Variants in PER2 observed in about 807,000 individuals in gnomAD.
PER2 encodes the protein period circadian protein homolog 2.
Under a neutral mutation model 121.0 loss-of-function variants are expected in PER2, and 66 were observed. That is an observed-to-expected ratio of 0.55 (90% CI 0.45 to 0.67). The LOEUF is 0.67. PER2 is among the 30% of genes least tolerant of loss of function. The pLI, the probability that PER2 is intolerant of heterozygous loss-of-function variation, is 0.00. For synonymous variants in PER2, 684 were observed against 659.9 expected (o/e 1.04, Z -0.56); for missense variants, 1,521 against 1,635.0 (o/e 0.93, Z 1.20).
In PER2 at chr2:238,260,995, G is replaced by A. The variant is rs746792160; in HGVS notation, c.1417-42C>T. On this transcript the variant is annotated intron_variant, in intron 12 of 22. Transcript: ENST00000254657. Reference sequence around the variant, plus strand: ...CAGCGCTACAGACACAGCCAGGGCTGCTGAGCTATGCATGTGGCCCCCTGC... The same window carrying A: ...CAGCGCTACAGACACAGCCAGGGCTACTGAGCTATGCATGTGGCCCCCTGC... 48 of 1,600,596 alleles carry A rather than the reference G, an allele frequency of 3.0e-5. No homozygotes were observed. The South Asian group carries it at 5.1e-4, about 17-fold the overall frequency.
intron 17 of PER2, 92 bp downstream of exon 17, chr2:238,256,830 C>T: frequency 7.6e-7 from 1 of 1,320,324 alleles, no homozygotes; most frequent in Non-Finnish European, 1.1e-6. Flanking sequence ...TGGTGGAGTT[C>T]TTCTGCACTT....
intron 9 of PER2, among the ~76,000 whole-genome samples, chr2:238,264,105 G>C (rs571893412): frequency 6.6e-6 from 1 of 152,200 alleles, no homozygotes; most frequent in African/African-American, 2.4e-5. Context: ...CTTCATCAAG[G>C]AGAGCTTGCA....
At chr2:238,259,187 G>A (rs1695851338) in intron 14 of PER2, among the ~76,000 whole-genome samples, 1 of 152,240 alleles carries the variant, frequency 6.6e-6, no homozygotes. Flanking sequence ...GAGTCCAGCA[G>A]GCAGCATGTC....
intron 22 of PER2, among the ~76,000 whole-genome samples, chr2:238,248,074 G>A (rs536917969): frequency 1.3e-5 from 2 of 152,346 alleles, no homozygotes; most frequent in South Asian, 4.1e-4. Flanking sequence ...GGCTTGCAGG[G>A]TGCAGGTGGG....
At chr2:238,264,251 C>T (rs937928903) in intron 9 of PER2, among the ~76,000 whole-genome samples, 1 of 152,224 alleles carries the variant, frequency 6.6e-6, no homozygotes, top group Non-Finnish European at 1.5e-5. Context: ...CCAGAGGCTG[C>T]TTTACATATA....
At chr2:238,299,227 G>GTCGAGATCA in the PER2 span, 2 of 151,632 alleles carry the variant, frequency 1.3e-5, no homozygotes, top group African/African-American at 2.4e-5. Flanking sequence ...GTTGCAGTGA[G>GTCGAGATCA]CCAAAAAGAA....
chr2:238,296,045 G>C, the PER2 span, among the ~76,000 whole-genome samples: 954 of 146,376 alleles, frequency 6.5e-3, 7 homozygotes, highest in African/African-American at 0.02. Flanking sequence ...TGCAGAGTCA[G>C]TCGTGTGCCC....
rs1201203818 is a variant in PER2, at chr2:238,252,730, T to C, written c.3111+182A>G. On this transcript the variant is annotated intron_variant, in intron 19 of 22. Transcript: ENST00000254657. This position sits in a 1 kb window ranked among gnomAD's most constrained non-coding sequence, Gnocchi z 4.2. ...CGACAATAAAAGGCTTCGAATAATCTACTCTGATAGGATTAAGTGGGAAGC... is the reference window on the plus strand; with the variant it reads ...CGACAATAAAAGGCTTCGAATAATCCACTCTGATAGGATTAAGTGGGAAGC... 2.0e-5 allele frequency among the ~76,000 whole-genome samples: 3 copies of C among 152,226 alleles called. No homozygotes were observed. The highest frequency in any genetic ancestry group is 4.4e-5 in the Non-Finnish European group (3 of 68,042).
chr2:238,266,962 T>C (rs1559330587), intron 8 of PER2, among the ~76,000 whole-genome samples: 4 of 150,676 alleles, frequency 2.7e-5, no homozygotes, highest in Non-Finnish European at 2.9e-5. Context: ...GGCAGGAGAA[T>C]TGTAGAATCC....
At chr2:238,283,272 C>T (rs1696685133) in intron 1 of PER2, among the ~76,000 whole-genome samples, 2 of 152,362 alleles carry the variant, frequency 1.3e-5, no homozygotes, top group Non-Finnish European at 2.9e-5. Flanking sequence ...GGGGTGAGCA[C>T]CCAGCTGGAT....
chr2:238,253,438 G>A lies in PER2; in HGVS notation c.2585C>T (p.Pro862Leu). Residue 862 changes from proline to leucine, a missense_variant, in exon 19 of 23, where the codon CCA becomes CTA. By Grantham distance (98) the Pro-to-Leu change is moderately conservative (BLOSUM62 -3). Transcript: ENST00000254657. The surrounding 1 kb of genome is among the most constrained non-coding windows in gnomAD (Gnocchi z 5.6). Reference sequence around the variant, plus strand: ...TGCCGGGGGTGCTGCCACAGTCCCTGGCGCTGGAAACACGGGCAGTGAATA... The same window carrying A: ...TGCCGGGGGTGCTGCCACAGTCCCTAGCGCTGGAAACACGGGCAGTGAATA... Reference protein sequence around the residue: ...AAYSLPVFPAPGTVAAPPAPP... With the variant: ...AAYSLPVFPALGTVAAPPAPP... The A allele has an allele frequency of 1.9e-6, 3 of 1,612,610 alleles. No individual in the cohort carries two copies. Among genetic ancestry groups the A allele is most frequent in the Middle Eastern group, 1.7e-4 (1 of 6,022 alleles).
intron 6 of PER2, among the ~76,000 whole-genome samples, chr2:238,270,953 G>GGGA (rs1172886713): frequency 6.6e-6 from 1 of 152,234 alleles, no homozygotes; most frequent in Non-Finnish European, 1.5e-5. Flanking sequence ...AGGTGGCAGG[G>GGGA]GGACGCCTGC....
chr2:238,259,758 T>G (rs937542135), intron 14 of PER2, among the ~76,000 whole-genome samples: 71 of 152,194 alleles, frequency 4.7e-4, no homozygotes, highest in Non-Finnish European at 1.5e-4. Flanking sequence ...AGGTGCCCAG[T>G]GTGGACATCA....
chr2:238,262,413 G>A, intron 10 of PER2, 69 bp from the exon 11 acceptor site: 1 of 1,489,730 alleles, frequency 6.7e-7, no homozygotes, highest in Non-Finnish European at 9.4e-7. Context: ...AGAGAGACAA[G>A]TCAAGAGTCA....
At chr2:238,256,049 C>A in intron 17 of PER2, 138 bp from the exon 18 acceptor site, 1 of 1,111,354 alleles carries the variant, frequency 9.0e-7, no homozygotes, top group Non-Finnish European at 1.3e-6. Flanking sequence ...ATGAGACTCA[C>A]AGCGTTTTCA....
upstream of PER2, among the ~76,000 whole-genome samples, chr2:238,291,784 A>G (rs1335304819): frequency 1.3e-5 from 2 of 152,222 alleles, no homozygotes; most frequent in Non-Finnish European, 2.9e-5. Context: ...GGTGACCTCA[A>G]GGGCGCGGGC....
chr2:238,287,419 G>A (rs1005100862), intron 1 of PER2, among the ~76,000 whole-genome samples: 1 of 152,238 alleles, frequency 6.6e-6, no homozygotes, highest in Non-Finnish European at 1.5e-5. Flanking sequence ...GAAGCCCCAG[G>A]TGGGGGTAGA....
chr2:238,246,749 A>G (rs573785268), intron 22 of PER2, among the ~76,000 whole-genome samples: 77 of 152,256 alleles, frequency 5.1e-4, no homozygotes, highest in African/African-American at 1.6e-3. Flanking sequence ...GGTGGCAGGC[A>G]CCTGTAGTCC....
At chr2:238,261,222 C>T (rs1345210601) in intron 12 of PER2, among the ~76,000 whole-genome samples, 1 of 152,246 alleles carries the variant, frequency 6.6e-6, no homozygotes, top group Non-Finnish European at 1.5e-5. Context: ...CGCATGGCTG[C>T]AGCCAGCCAC....
Sources: gnomAD v4.1 joint callset for allele counts (sites outside exome capture counted in the v4.1 genomes callset) on GRCh38, gnomAD v4.1.1 for gene constraint, Gnocchi (gnomAD v3.1) non-coding constraint, MANE v1.5 for transcripts, NCBI Gene and HGNC (gene_info 2026-07-23, HGNC 2026-07-21) for gene names.